The following ZDHHC11 variants were observed in gnomAD, a reference collection of about 807,000 sequenced individuals.
ZDHHC11 encodes zDHHC palmitoyltransferase 11.
In ZDHHC11, 44 loss-of-function variants were observed where a neutral mutation model predicts 51.3. The observed-to-expected ratio is 0.86, with a 90% CI of 0.67 to 1.10. The LOEUF is 1.10. Among genes scored for constraint, ZDHHC11 ranks in the 50% least tolerant of loss-of-function variants. The pLI is 0.00. For synonymous variants in ZDHHC11, 163 were observed against 222.0 expected (o/e 0.73, Z 2.36); for missense variants, 400 against 537.7 (o/e 0.74, Z 2.53).
intron 3 of ZDHHC11, among the ~76,000 whole-genome samples, chr5:847,291 T>C (rs569393639): frequency 9.2e-5 from 14 of 151,804 alleles, no homozygotes; most frequent in African/African-American, 3.1e-4. Flanking sequence ...CTCCAGGGAC[T>C]TACTCTATGC....
At chr5:828,402 G>A (rs1034945691) in intron 7 of ZDHHC11, among the ~76,000 whole-genome samples, 1 of 150,872 alleles carries the variant, frequency 6.6e-6, no homozygotes, top group Non-Finnish European at 1.5e-5. Flanking sequence ...CGGCTGGCCG[G>A]GTGGAGGTGC....
chr5:804,388 G>T (rs2434627), intron 11 of ZDHHC11, among the ~76,000 whole-genome samples: 3 of 150,610 alleles, frequency 2.0e-5, no homozygotes, highest in Non-Finnish European at 4.4e-5. Context: ...TGAGAGTCTT[G>T]GAACGTATCC....
intron 11 of ZDHHC11, among the ~76,000 whole-genome samples, chr5:806,515 A>C (rs1369615387): frequency 1.3e-5 from 2 of 151,060 alleles, no homozygotes; most frequent in African/African-American, 2.4e-5. Flanking sequence ...AGCATTACTT[A>C]TACAATATGT....
chr5:825,440 G>C (rs1324421386), intron 7 of ZDHHC11, among the ~76,000 whole-genome samples, 189 bp from the exon 8 acceptor site: 2 of 152,116 alleles, frequency 1.3e-5, no homozygotes, highest in African/African-American at 4.8e-5. Context: ...GCACACGTAA[G>C]AAGCTTCTCG....
chr5:851,775 G>A (rs1207317101), upstream of ZDHHC11, among the ~76,000 whole-genome samples: 1 of 152,294 alleles, frequency 6.6e-6, no homozygotes, highest in African/African-American at 2.4e-5. Flanking sequence ...TGGTTCTTTG[G>A]CCGGGCGCGG....
intron 10 of ZDHHC11, chr5:816,823 G>T: frequency 2.1e-6 from 1 of 476,146 alleles, no homozygotes; most frequent in South Asian, 1.8e-5. Flanking sequence ...AAGGTTTGAT[G>T]GCAGATACAC....
At chr5:852,990 GCGAGCCAGGGGGACAGACCCCA>G (rs1747504154), upstream of ZDHHC11, among the ~76,000 whole-genome samples, 2 of 146,994 alleles carry the variant, frequency 1.4e-5, no homozygotes, top group South Asian at 2.2e-4. Flanking sequence ...ACGGAGGACA[GCGAGCCAGGGGGACAGACCCCA>G]TGGAGGACAG....
At chr5:835,464 C>G (rs388474) in intron 6 of ZDHHC11, among the ~76,000 whole-genome samples, 4 of 150,884 alleles carry the variant, frequency 2.7e-5, no homozygotes, top group African/African-American at 9.8e-5. Context: ...GTCTCTCTCT[C>G]TGTCAGCGCC....
chr5:804,344 GGGTTT>G (rs1343063316), intron 11 of ZDHHC11, among the ~76,000 whole-genome samples: 1 of 151,270 alleles, frequency 6.6e-6, no homozygotes, highest in African/African-American at 2.4e-5. Flanking sequence ...AGTGTATACA[GGGTTT>G]GGTACTATCT....
intron 11 of ZDHHC11, among the ~76,000 whole-genome samples, chr5:812,905 G>T (rs1473726654): frequency 6.7e-6 from 1 of 149,290 alleles, no homozygotes; most frequent in South Asian, 2.1e-4. Context: ...ATGCCATATT[G>T]TTGAAGAAAT....
At chr5:822,046 T>C in intron 8 of ZDHHC11, 151 bp from the exon 9 acceptor site, 1 of 657,916 alleles carries the variant, frequency 1.5e-6, no homozygotes, top group Non-Finnish European at 2.6e-6. Context: ...ATCTCAGTGG[T>C]GACACAGCAC....
chr5:854,086 C>T (rs1389795281), upstream of ZDHHC11, among the ~76,000 whole-genome samples: 4 of 147,868 alleles, frequency 2.7e-5, no homozygotes, highest in East Asian at 2.0e-4. Flanking sequence ...GACAGCGAGC[C>T]GGGGGGCACA....
chr5:806,692 A>C (rs1404204184), intron 11 of ZDHHC11, among the ~76,000 whole-genome samples: 3 of 151,336 alleles, frequency 2.0e-5, no homozygotes, highest in African/African-American at 7.3e-5. Context: ...AGAAAAGCAC[A>C]AAGAGTCCAG....
intron 12 of ZDHHC11, among the ~76,000 whole-genome samples, chr5:796,943 C>G (rs1366032532): frequency 4.6e-5 from 7 of 151,960 alleles, no homozygotes; most frequent in African/African-American, 1.7e-4. Context: ...TGTGGTGGCT[C>G]ACACCTGTAA....
intron 7 of ZDHHC11, among the ~76,000 whole-genome samples, chr5:831,059 A>G (rs1341013497): frequency 6.7e-6 from 1 of 149,614 alleles, no homozygotes; most frequent in African/African-American, 2.5e-5. Flanking sequence ...TGACTTCGGC[A>G]AAGAGCTCAT....
At chr5:848,782 C>T (rs1746661504) in intron 1 of ZDHHC11, 122 bp from the exon 2 acceptor site, 3 of 1,401,224 alleles carry the variant, frequency 2.1e-6, no homozygotes, top group African/African-American at 1.4e-5. Flanking sequence ...CAGCCCTGCA[C>T]ACGTGAGCCC....
chr5:850,287 C>T, intron 1 of ZDHHC11, 94 bp downstream of exon 1: 1 of 1,417,666 alleles, frequency 7.1e-7, no homozygotes, highest in South Asian at 1.3e-5. Context: ...ACTGGTGCCA[C>T]CGGGCAGCCA....
At chr5:842,178 T>C (rs1259183167) in intron 4 of ZDHHC11, 1 of 986,006 alleles carries the variant, frequency 1.0e-6, no homozygotes, top group African/African-American at 1.7e-5. Flanking sequence ...AAGCAGCATG[T>C]TCCAGGAGAG....
At chr5:814,933 T>C in intron 10 of ZDHHC11, 138 bp from the exon 11 acceptor site, 1 of 899,070 alleles carries the variant, frequency 1.1e-6, no homozygotes, top group Non-Finnish European at 1.6e-6. Context: ...TGGAATAGGA[T>C]CTCAGTGGTG....
Sources: allele counts gnomAD v4.1 joint callset (sites outside exome capture counted in the v4.1 genomes callset), GRCh38; gene constraint gnomAD v4.1.1; transcripts MANE v1.5; gene names NCBI Gene and HGNC (gene_info 2026-07-23, HGNC 2026-07-21).